DCC: variants seen among roughly 807,000 people sequenced by gnomAD.
The protein encoded by DCC is DCC netrin 1 receptor.
In DCC, 58 loss-of-function variants were observed where a neutral mutation model predicts 172.5. The observed-to-expected ratio is 0.34, with a 90% CI of 0.27 to 0.42. The LOEUF is 0.42. Ranked by LOEUF, DCC falls within the 10% of genes least tolerant of loss-of-function variation. The probability of loss-of-function intolerance (pLI) is 1.00; values close to 1 mark genes in which losing one functional copy is unlikely to be tolerated. For synonymous variants in DCC, 709 were observed against 644.5 expected (o/e 1.10, Z -1.52); for missense variants, 1,740 against 1,791.0 (o/e 0.97, Z 0.51).
intron 1 of DCC, among the ~76,000 whole-genome samples, chr18:52,717,748 T>A (rs185065190): frequency 6.6e-6 from 1 of 152,300 alleles, no homozygotes; most frequent in East Asian, 1.9e-4. Context: ...TTAAAAGACA[T>A]ATTTATTTAA....
intron 1 of DCC, among the ~76,000 whole-genome samples, chr18:52,365,523 G>GC (rs1568134332): frequency 9.7e-6 from 1 of 103,480 alleles, no homozygotes; most frequent in African/African-American, 4.6e-5. Flanking sequence ...CCAATTGCTT[G>GC]GGTGGGGTTT....
intron 1 of DCC, among the ~76,000 whole-genome samples, chr18:52,695,850 C>T (rs1285066797): frequency 6.6e-6 from 1 of 152,172 alleles, no homozygotes; most frequent in African/African-American, 2.4e-5. Flanking sequence ...CATCTGCCCT[C>T]CTTTTTGTGG....
chr18:52,656,401 A>G (rs1230455784), intron 1 of DCC, among the ~76,000 whole-genome samples: 2 of 152,118 alleles, frequency 1.3e-5, no homozygotes, highest in Non-Finnish European at 1.5e-5. Flanking sequence ...TCAATCCGCC[A>G]CCACCTTGAA....
chr18:53,494,991 G>T, intron 26 of DCC, among the ~76,000 whole-genome samples: 1 of 152,140 alleles, frequency 6.6e-6, no homozygotes, highest in Non-Finnish European at 1.5e-5. Flanking sequence ...TTGTAAGGCA[G>T]GCCTGGTGGT....
intron 7 of DCC, among the ~76,000 whole-genome samples, chr18:53,116,412 G>A (rs1423954466): frequency 6.6e-6 from 1 of 151,720 alleles, no homozygotes; most frequent in African/African-American, 2.4e-5. Flanking sequence ...GCGCCCTATG[G>A]AGAGGATATT....
At chr18:53,347,147 G>T (rs2057734929) in intron 15 of DCC, among the ~76,000 whole-genome samples, 1 of 152,116 alleles carries the variant, frequency 6.6e-6, no homozygotes, top group South Asian at 2.1e-4. Context: ...ACTACTTTCA[G>T]TGATTCTTCT....
chr18:53,487,975 A>G (rs867173595), intron 26 of DCC, among the ~76,000 whole-genome samples: 2 of 152,228 alleles, frequency 1.3e-5, no homozygotes, highest in African/African-American at 2.4e-5. Context: ...TTGAGAGCCC[A>G]CAAGTGCCTT....
chr18:53,012,527 T>C (rs2041745341), intron 5 of DCC, among the ~76,000 whole-genome samples: 1 of 152,028 alleles, frequency 6.6e-6, no homozygotes, highest in African/African-American at 2.4e-5. Context: ...ATTTTAACCA[T>C]AATAGGGCAC....
intron 1 of DCC, among the ~76,000 whole-genome samples, chr18:52,544,637 C>T (rs914053706): frequency 1.3e-5 from 2 of 152,136 alleles, no homozygotes; most frequent in African/African-American, 4.8e-5. Context: ...GGCTTTAGAA[C>T]AGTGAGCAGA....
intron 2 of DCC, among the ~76,000 whole-genome samples, chr18:52,903,236 C>T (rs1041289706): frequency 6.6e-6 from 1 of 152,182 alleles, no homozygotes; most frequent in South Asian, 2.1e-4. Flanking sequence ...GACAGGTTCT[C>T]ACTCTCTTGC....
At chr18:53,349,606 A>C (rs530632907) in intron 15 of DCC, among the ~76,000 whole-genome samples, 19 of 152,362 alleles carry the variant, frequency 1.2e-4, no homozygotes, top group African/African-American at 4.6e-4. Flanking sequence ...AATTGGACTT[A>C]CAGTTCCATG....
At chr18:53,072,036 G>A (rs887802699) in intron 7 of DCC, among the ~76,000 whole-genome samples, 4 of 152,134 alleles carry the variant, frequency 2.6e-5, no homozygotes, top group Non-Finnish European at 5.9e-5. Context: ...GCTGAGGCCA[G>A]GACAATCAGT....
At chr18:52,556,895 TGTGGCAAAGTC>T (rs1337635519) in intron 1 of DCC, among the ~76,000 whole-genome samples, 1 of 152,194 alleles carries the variant, frequency 6.6e-6, no homozygotes, top group Non-Finnish European at 1.5e-5. Flanking sequence ...AATTCTCCTG[TGTGGCAAAGTC>T]AAGAACCTGA....
At chr18:52,429,481 C>T (rs894414835) in intron 1 of DCC, among the ~76,000 whole-genome samples, 1 of 152,032 alleles carries the variant, frequency 6.6e-6, no homozygotes, top group African/African-American at 2.4e-5. Context: ...GACTTTTCAC[C>T]ATCTAACTTT....
intron 2 of DCC, among the ~76,000 whole-genome samples, chr18:52,840,850 G>C (rs576066799): frequency 6.6e-6 from 1 of 152,144 alleles, no homozygotes; most frequent in Admixed American, 6.6e-5. Flanking sequence ...AAACACAGCA[G>C]TGAACTACAA....
intron 5 of DCC, among the ~76,000 whole-genome samples, chr18:52,961,010 T>C (rs2040833426): frequency 1.3e-5 from 2 of 152,116 alleles, no homozygotes; most frequent in African/African-American, 2.4e-5. Flanking sequence ...CATAAACACA[T>C]GCTTATGTTA....
intron 12 of DCC, among the ~76,000 whole-genome samples, chr18:53,290,046 T>C (rs1450480349): frequency 1.3e-5 from 2 of 152,212 alleles, no homozygotes; most frequent in Non-Finnish European, 2.9e-5. Context: ...GGTTGCATGG[T>C]ATGCTATTTG....
chr18:53,078,599 AAAG>A (rs2042754683), intron 7 of DCC, among the ~76,000 whole-genome samples: 1 of 152,104 alleles, frequency 6.6e-6, no homozygotes, highest in African/African-American at 2.4e-5. Flanking sequence ...AGGTTAAAAA[AAAG>A]AGAAATAATA....
intron 12 of DCC, among the ~76,000 whole-genome samples, chr18:53,294,939 T>C (rs767445199): frequency 6.6e-6 from 1 of 152,112 alleles, no homozygotes; most frequent in Non-Finnish European, 1.5e-5. Context: ...GATGAAGAAA[T>C]GTTTGTATCA....
Sources: allele counts gnomAD v4.1 joint callset (sites outside exome capture counted in the v4.1 genomes callset), GRCh38; gene constraint gnomAD v4.1.1; transcripts MANE v1.5; gene names NCBI Gene and HGNC (gene_info 2026-07-23, HGNC 2026-07-21).